The following PROC variants were observed in gnomAD, a reference collection of about 807,000 sequenced individuals.
PROC encodes the protein vitamin K-dependent protein C.
PROC carries 22 observed loss-of-function variants against 36.3 expected under a neutral mutation model. The observed-to-expected ratio is 0.61, with a 90% CI of 0.43 to 0.86. PROC has a LOEUF of 0.86. Among genes scored for constraint, PROC ranks in the 40% least tolerant of loss-of-function variants. The pLI, the probability that PROC is intolerant of heterozygous loss-of-function variation, is 0.00. For missense variants in PROC, 526 were observed against 629.7 expected (o/e 0.84, Z 1.76); for synonymous variants, 218 against 244.5 (o/e 0.89, Z 1.01).
In PROC at chr2:127,421,538, G is replaced by A. The variant is rs986377542; in HGVS notation, c.237+89G>A. The A allele has an allele frequency of 6.7e-6, 10 of 1,493,054 alleles. No homozygotes were observed. The South Asian group carries it at 1.1e-4, about 16-fold the overall frequency. 92.5% of individuals were successfully genotyped at this position (1,493,054 alleles called of 1,614,324 possible). On this transcript the variant is annotated intron_variant, in intron 3 of 8. Transcript: ENST00000234071. ...GAGGAGCAGGTGGGGACTCAATGCT[G>A]AGGCCCTCTTAGGAGTTGTGGGGGT...
chr2:127,421,380 G>A lies in PROC; in HGVS notation c.168G>A (p.Glu56=), dbSNP rs1558712080. Reference sequence around the variant, plus strand: ...AGGAGCTCCGTCACAGCAGCCTGGAGCGGGAGTGCATAGAGGAGATCTGTG... The same window carrying A: ...AGGAGCTCCGTCACAGCAGCCTGGAACGGGAGTGCATAGAGGAGATCTGTG... ...FLEELRHSSL[E]RECIEEICDF... Residue 56 remains glutamate (E), a synonymous_variant, in exon 3 of 9, where the codon GAG becomes GAA. Coordinates refer to ENST00000234071, the MANE Select transcript of PROC (RefSeq NM_000312.4). The A allele has an allele frequency of 4.3e-6, 7 of 1,613,932 alleles. No homozygotes were observed. The highest frequency in any genetic ancestry group is 5.9e-6 in the Non-Finnish European group (7 of 1,179,948).
Position 127,428,619 on chromosome 2 carries a change from G to A in PROC, c.1059G>A (p.Lys353=). 1.2e-6 allele frequency: 2 copies of A among 1,614,088 alleles called. No individual in the cohort carries two copies. Among genetic ancestry groups the A allele is most frequent in the Non-Finnish European group, 1.7e-6 (2 of 1,180,050 alleles). ...ACAGCAGCCGAGAGAAGGAGGCCAA[G>A]AGAAACCGCACCTTCGTCCTCAACT... The part of the protein sequence containing the change: ...GYHSSREKEA[K]RNRTFVLNFI... The change falls in exon 9 of 9, where the codon AAG becomes AAA. Residue 353 remains lysine, a synonymous_variant. Coordinates refer to ENST00000234071, the MANE Select transcript of PROC (RefSeq NM_000312.4).
rs121918142 is a variant in PROC at position 127,428,892 on chromosome 2, G to C, written c.1332G>C (p.Trp444Cys). The C allele has an allele frequency of 1.2e-6, 2 of 1,613,964 alleles. No homozygotes were observed. The highest frequency in any genetic ancestry group is 3.3e-5 in the Admixed American group (2 of 60,022). ...VYTKVSRYLD[W>C]IHGHIRDKEA... is the part of the protein sequence containing the mutation. ...CCAAAGTCAGCCGCTACCTCGACTG[G>C]ATCCATGGGCACATCAGAGACAAGG... The change falls in exon 9 of 9, where the codon TGG becomes TGC. Residue 444 changes from tryptophan to cysteine, a missense_variant. By Grantham distance (215) the Trp-to-Cys change is radical. Transcript: ENST00000234071.
Position 127,423,402 on chromosome 2 carries a change from C to A in PROC, c.529C>A (p.Pro177Thr). ...KLGDDLLQCH[P>T]AVKFPCGRPW... ...GGGGGACGACCTCCTGCAGTGTCAC[C>A]CCGCAGGTGAGAAGCCCCCAATACA... is the stretch of plus-strand genomic sequence containing the variant. Residue 177 changes from proline (P) to threonine (T), a missense_variant, in exon 6 of 9, where the codon CCC (proline) becomes ACC (threonine). Pro to Thr is a conservative substitution (Grantham distance 38). Coordinates refer to ENST00000234071, the MANE Select transcript of PROC (RefSeq NM_000312.4). 1 of 1,549,896 alleles carries A rather than the reference C, an allele frequency of 6.5e-7. No homozygotes were observed.
At chr2:127,423,010 C>G (rs781301566) in intron 4 of PROC, 24 bp from the exon 5 acceptor site, 4 of 1,612,524 alleles carry the variant, frequency 2.5e-6, no homozygotes, top group East Asian at 2.2e-5. Context: ...GGCCGCTGAC[C>G]CCCTACCCCG....
In PROC at chr2:127,426,764, A is replaced by G. The variant is rs1277683037; in HGVS notation, c.679-341A>G. 6.6e-6 allele frequency among the ~76,000 whole-genome samples: 1 copy of G among 152,194 alleles called. No homozygotes were observed. The highest frequency in any genetic ancestry group is 1.5e-5 in the Non-Finnish European group (1 of 68,022). On this transcript the variant is annotated intron_variant, in intron 7 of 8. Coordinates refer to ENST00000234071, the MANE Select transcript of PROC (RefSeq NM_000312.4). The surrounding 1 kb of genome is among the most constrained non-coding windows in gnomAD (Gnocchi z 7.0). ...CAAGATAGGGGCTGAGGGAGGCCCAAGGGGAACATCCAGGCAGCCTGGGGG... is the reference window on the plus strand; with the variant it reads ...CAAGATAGGGGCTGAGGGAGGCCCAGGGGGAACATCCAGGCAGCCTGGGGG...
intron 2 of PROC, among the ~76,000 whole-genome samples, chr2:127,420,611 CT>C (rs1334478839): frequency 2.6e-5 from 4 of 152,218 alleles, no homozygotes; most frequent in East Asian, 3.9e-4. Context: ...TCTAGGATGC[CT>C]TTTCCCCCAT....
intron 1 of PROC, among the ~76,000 whole-genome samples, chr2:127,419,145 G>A (rs746910451): frequency 7.9e-5 from 12 of 152,144 alleles, no homozygotes; most frequent in Non-Finnish European, 1.5e-4. Flanking sequence ...GAATCTGATC[G>A]ATCCCCTGGG....
chr2:127,420,479 CA>C (rs1448862760), intron 2 of PROC, among the ~76,000 whole-genome samples: 2 of 152,158 alleles, frequency 1.3e-5, no homozygotes, highest in African/African-American at 4.8e-5. Flanking sequence ...CCGCAGGACA[CA>C]TGGGCCCCTA....
At chr2:127,422,385 G>A (rs1395167618) in intron 3 of PROC, among the ~76,000 whole-genome samples, 2 of 152,262 alleles carry the variant, frequency 1.3e-5, no homozygotes, top group Non-Finnish European at 2.9e-5. Context: ...CAGGCATCAG[G>A]CACAGGCCGT....
chr2:127,423,548 A>G, intron 6 of PROC, 140 bp downstream of exon 6: 1 of 1,169,926 alleles, frequency 8.5e-7, no homozygotes, highest in Non-Finnish European at 1.1e-6. Flanking sequence ...GGGCAGCGGC[A>G]GACGCGCCCC....
rs121918141 is a variant in PROC at position 127,428,602 on chromosome 2, C to T, written c.1042C>T (p.Arg348Ter). 7 of 1,613,924 alleles carry T rather than the reference C, an allele frequency of 4.3e-6. No homozygotes were observed. Among genetic ancestry groups the T allele is most frequent in the African/African-American group, 1.3e-5 (1 of 74,944 alleles). ...LVTGWGYHSS[R>*]EKEAKRNRTF... Reference sequence around the variant, plus strand: ...GACGGGCTGGGGCTACCACAGCAGCCGAGAGAAGGAGGCCAAGAGAAACCG... The same window carrying T: ...GACGGGCTGGGGCTACCACAGCAGCTGAGAGAAGGAGGCCAAGAGAAACCG... Residue 348 changes from arginine (R) to a stop codon, truncating the protein, a stop_gained, in exon 9 of 9, where the codon CGA becomes TGA. Coordinates refer to ENST00000234071, the MANE Select transcript of PROC (RefSeq NM_000312.4). LOFTEE classifies it low-confidence loss of function (END_TRUNC).
Position 127,423,347 on chromosome 2 carries a change from G to A in PROC, c.474G>A (p.Arg158=). The part of the protein sequence containing the change: ...THYCLEEVGW[R]RCSCAPGYKL... ...ACTGCCTAGAGGAGGTGGGCTGGCG[G>A]CGCTGTAGCTGTGCGCCTGGCTACA... The change falls in exon 6 of 9, where the codon CGG becomes CGA. Residue 158 remains arginine, a synonymous_variant. Coordinates refer to ENST00000234071, the MANE Select transcript of PROC (RefSeq NM_000312.4). 1 of 1,550,302 alleles carries A rather than the reference G, an allele frequency of 6.5e-7. No homozygotes were observed. Among genetic ancestry groups the A allele is most frequent in the Non-Finnish European group, 8.7e-7 (1 of 1,147,114 alleles).
intron 8 of PROC, among the ~76,000 whole-genome samples, chr2:127,427,693 CG>C (rs1297352217): frequency 2.0e-5 from 3 of 152,176 alleles, no homozygotes; most frequent in African/African-American, 7.2e-5. Context: ...GCATTGGCCC[CG>C]ATCTATGGCA....
rs1478307545 is a variant in PROC, at chr2:127,426,239, G to A, written c.678+12G>A. 6.2e-7 allele frequency: 1 copy of A among 1,613,876 alleles called. No homozygotes were observed. The highest frequency in any genetic ancestry group is 8.5e-7 in the Non-Finnish European group (1 of 1,180,014). ...ACAGCCCCTGGCAGGTGGGAGGCGA[G>A]GCAGCACCGGCTGCTCACGTGCTGG... is the stretch of plus-strand genomic sequence containing the variant. On this transcript the variant is annotated intron_variant, in intron 7 of 8. Coordinates refer to ENST00000234071, the MANE Select transcript of PROC (RefSeq NM_000312.4). The surrounding 1 kb of genome is among the most constrained non-coding windows in gnomAD (Gnocchi z 7.0).
In PROC at chr2:127,429,038, T is replaced by G. The variant is rs1425481325; in HGVS notation, c.*92T>G. 7.0e-7 allele frequency: 1 copy of G among 1,434,394 alleles called. No individual in the cohort carries two copies. The highest frequency in any genetic ancestry group is 9.8e-7 in the Non-Finnish European group (1 of 1,025,348). The allele number at this position is 1,434,394 out of a possible 1,614,324, so 88.9% of individuals were successfully genotyped here. On this transcript the variant is annotated 3_prime_UTR_variant, in exon 9 of 9. Transcript: ENST00000234071. Reference sequence around the variant, plus strand: ...GCACACCGGCCTGCTGTTCTGTCCTTCCATCCCTCTTTTGGGCTCTTCTGG... The same window carrying G: ...GCACACCGGCCTGCTGTTCTGTCCTGCCATCCCTCTTTTGGGCTCTTCTGG...
At position 127,420,664 on chromosome 2, in the gene PROC, CTG is replaced by C. The variant is rs72167341; in HGVS notation, c.71-616_71-615del. On this transcript the variant is annotated intron_variant, in intron 2 of 8. Coordinates refer to ENST00000234071, the MANE Select transcript of PROC (RefSeq NM_000312.4). ...CCCCAACTTGATCTCTCCCTCCTAA[CTG>C]TGCCCTGCACCCAAGACAGACACTT... is the stretch of plus-strand genomic sequence containing the variant. Among the ~76,000 whole-genome samples, 415 of 152,256 alleles carry C rather than the reference CTG, an allele frequency of 2.7e-3. 4 individuals carry two copies. Among genetic ancestry groups the C allele is most frequent in the African/African-American group, 9.5e-3 (395 of 41,560 alleles).
chr2:127,426,034 A>C lies in PROC; in HGVS notation c.536-51A>C, dbSNP rs1212224584. ...TGGAGGAGGACCAAGACAGGAGGGCAGTCTCGGGAGGAGTGCCTGGCAGGC... is the reference window on the plus strand; with the variant it reads ...TGGAGGAGGACCAAGACAGGAGGGCCGTCTCGGGAGGAGTGCCTGGCAGGC... On this transcript the variant is annotated intron_variant, in intron 6 of 8. Transcript: ENST00000234071. This position sits in a 1 kb window ranked among gnomAD's most constrained non-coding sequence, Gnocchi z 7.0. 1.9e-6 allele frequency: 3 copies of C among 1,612,130 alleles called. No homozygotes were observed. The highest frequency in any genetic ancestry group is 3.3e-5 in the Admixed American group (2 of 59,986).
chr2:127,421,223 T>G, intron 2 of PROC, 60 bp from the exon 3 acceptor site: 6 of 1,575,870 alleles, frequency 3.8e-6, no homozygotes, highest in Non-Finnish European at 5.2e-6. Flanking sequence ...GACCCCCTCA[T>G]GGCCCCAGCC....
Sources: gnomAD v4.1 joint callset for allele counts (sites outside exome capture counted in the v4.1 genomes callset) on GRCh38, gnomAD v4.1.1 for gene constraint, Gnocchi (gnomAD v3.1) non-coding constraint, MANE v1.5 for transcripts, NCBI Gene and HGNC (gene_info 2026-07-23, HGNC 2026-07-21) for gene names.